The following IQGAP2 variants were observed in gnomAD, a reference collection of about 807,000 sequenced individuals.
IQGAP2 encodes the protein ras GTPase-activating-like protein IQGAP2.
In IQGAP2, 173 loss-of-function variants were observed where a neutral mutation model predicts 201.3. The ratio of observed to expected loss-of-function variants is 0.86; its 90% CI spans 0.76 to 0.98. IQGAP2 has a LOEUF of 0.98. Ranked by LOEUF, IQGAP2 falls within the 50% of genes least tolerant of loss-of-function variation. The pLI, the probability that IQGAP2 is intolerant of heterozygous loss-of-function variation, is 0.00. For synonymous variants in IQGAP2, 675 were observed against 673.9 expected, an observed-to-expected ratio of 1.00 and a Z score of -0.03; for missense variants, 1,687 against 1,864.8, an observed-to-expected ratio of 0.90 and a Z score of 1.76.
At chr5:76,698,513 A>G (rs955920708) in intron 33 of IQGAP2, among the ~76,000 whole-genome samples, 7 of 152,152 alleles carry the variant, frequency 4.6e-5, no homozygotes, top group African/African-American at 1.7e-4. Context: ...ATAATTGATA[A>G]TATTAGATAA....
rs368075547 is a variant in IQGAP2, at chr5:76,674,737, A to G, written c.3527+28A>G. 10 of 1,490,992 alleles carry G rather than the reference A, an allele frequency of 6.7e-6. No individual in the cohort carries two copies. In the African/African-American group the frequency reaches 9.7e-5, roughly 14 times the overall value. 92.4% of individuals were successfully genotyped at this position (1,490,992 alleles called of 1,614,324 possible). A position where few individuals can be genotyped will look rare whatever the true frequency, so the allele number is the denominator to read the frequency against. ...GAGAGGGGCCCTTAGTTTTGGAGAA[A>G]CGTGCAAGAATGGTAGGCAAGAATA... On this transcript the variant is annotated intron_variant, in intron 27 of 35. Transcript: ENST00000274364.
chr5:76,530,656 G>A (rs1352688002), intron 2 of IQGAP2, among the ~76,000 whole-genome samples: 2 of 150,530 alleles, frequency 1.3e-5, no homozygotes, highest in Non-Finnish European at 3.0e-5. Context: ...ACAATTTGAA[G>A]TTCTTCTAAT....
chr5:76,576,951 T>A (rs1482426022), intron 5 of IQGAP2, among the ~76,000 whole-genome samples: 2 of 152,222 alleles, frequency 1.3e-5, no homozygotes, highest in Non-Finnish European at 1.5e-5. Context: ...AAAGTGCTTA[T>A]GTTGAGGAAT....
In IQGAP2 at chr5:76,631,856, C is replaced by A; in HGVS notation, c.1613-3C>A. On this transcript the variant is annotated splice_polypyrimidine_tract_variant and splice_region_variant and intron_variant, in intron 14 of 35. Coordinates refer to ENST00000274364, the MANE Select transcript of IQGAP2 (RefSeq NM_006633.5). ...ACAAGAAACTTTTTTTTCAATTACC[C>A]AGGGGTTACTCTGGTGGTTGATGTT... The A allele has an allele frequency of 1.9e-6, 3 of 1,561,618 alleles. No individual in the cohort carries two copies. Among genetic ancestry groups the A allele is most frequent in the South Asian group, 2.4e-5 (2 of 82,612 alleles).
intron 13 of IQGAP2, among the ~76,000 whole-genome samples, chr5:76,619,202 T>G (rs1749341843): frequency 6.6e-6 from 1 of 152,188 alleles, no homozygotes; most frequent in South Asian, 2.1e-4. Context: ...TTTCTATCTG[T>G]AAGTAATGCT....
intron 13 of IQGAP2, chr5:76,616,661 G>C (rs1749003483): frequency 6.6e-6 from 1 of 152,606 alleles, no homozygotes; most frequent in Non-Finnish European, 1.5e-5. Context: ...AGACCAGCCT[G>C]GGCAACAGTG....
chr5:76,628,600 C>A, intron 14 of IQGAP2: 1 of 397,054 alleles, frequency 2.5e-6, no homozygotes, highest in Non-Finnish European at 5.0e-6. Context: ...ATTTCACTAA[C>A]CTGCCAACTG....
chr5:76,576,840 AAG>A (rs1490395492), intron 5 of IQGAP2, among the ~76,000 whole-genome samples: 3 of 152,230 alleles, frequency 2.0e-5, no homozygotes, highest in Admixed American at 6.5e-5. Flanking sequence ...TGGTTAAAAA[AAG>A]AAAAACAGCA....
chr5:76,606,344 A>G, intron 12 of IQGAP2, 41 bp downstream of exon 12: 1 of 1,521,730 alleles, frequency 6.6e-7, no homozygotes, highest in South Asian at 1.4e-5. Flanking sequence ...TAGTGGGAGA[A>G]GAAGGTATCT....
intron 1 of IQGAP2, among the ~76,000 whole-genome samples, chr5:76,418,292 G>A (rs1751529655): frequency 6.6e-6 from 1 of 151,326 alleles, no homozygotes; most frequent in African/African-American, 2.4e-5. Context: ...TCTTTGAGAC[G>A]TAACTTTTTT....
intron 15 of IQGAP2, among the ~76,000 whole-genome samples, chr5:76,634,705 T>C (rs981117182): frequency 6.6e-6 from 1 of 152,212 alleles, no homozygotes; most frequent in African/African-American, 2.4e-5. Context: ...TTCTTATCTC[T>C]TTCACCTCTG....
At chr5:76,590,306 G>T in intron 7 of IQGAP2, 102 bp from the exon 8 acceptor site, 2 of 909,858 alleles carry the variant, frequency 2.2e-6, no homozygotes, top group Non-Finnish European at 3.3e-6. Flanking sequence ...TGGAAGCCAA[G>T]AAAGAAAGTA....
chr5:76,561,474 TA>T (rs1288271373), intron 2 of IQGAP2, among the ~76,000 whole-genome samples: 1 of 152,196 alleles, frequency 6.6e-6, no homozygotes, highest in African/African-American at 2.4e-5. Flanking sequence ...GGAGACTGTC[TA>T]TATAGATATG....
chr5:76,707,600 G>T lies in IQGAP2; in HGVS notation c.*287G>T, dbSNP rs1437838350. ...CCTGTGATCTGTTTTAAAGTTGGGG[G>T]GTGGGAAATTTAGCTGACTAGGGAC... On this transcript the variant is annotated 3_prime_UTR_variant, in exon 36 of 36. Coordinates refer to ENST00000274364, the MANE Select transcript of IQGAP2 (RefSeq NM_006633.5). The T allele has an allele frequency of 8.1e-6, 2 of 245,722 alleles. No individual in the cohort carries two copies. Among genetic ancestry groups the T allele is most frequent in the Non-Finnish European group, 1.5e-5 (2 of 130,002 alleles). The allele number at this position is 245,722 out of a possible 1,614,324, so 15.2% of individuals were successfully genotyped here.
intron 1 of IQGAP2, among the ~76,000 whole-genome samples, chr5:76,449,372 G>C (rs914829982): frequency 6.6e-6 from 1 of 152,036 alleles, no homozygotes; most frequent in Non-Finnish European, 1.5e-5. Context: ...TTAATGAGTT[G>C]GTACTTTTTC....
At chr5:76,540,754 G>A (rs1742708862) in intron 2 of IQGAP2, among the ~76,000 whole-genome samples, 1 of 152,206 alleles carries the variant, frequency 6.6e-6, no homozygotes, top group Non-Finnish European at 1.5e-5. Context: ...CACACAGGCT[G>A]GTCTGGGCTA....
intron 3 of IQGAP2, among the ~76,000 whole-genome samples, chr5:76,568,273 C>T (rs1050732105): frequency 1.3e-5 from 2 of 152,148 alleles, no homozygotes; most frequent in Non-Finnish European, 2.9e-5. Flanking sequence ...TTCTTCAGTG[C>T]CTCTTAACAT....
intron 3 of IQGAP2, among the ~76,000 whole-genome samples, chr5:76,565,088 G>A (rs1364138135): frequency 6.6e-6 from 1 of 152,134 alleles, no homozygotes; most frequent in Non-Finnish European, 1.5e-5. Flanking sequence ...TCTCTCATAC[G>A]AAAATGAAAG....
chr5:76,453,003 C>T (rs71630923), intron 1 of IQGAP2, among the ~76,000 whole-genome samples: 1,538 of 151,106 alleles, frequency 0.01, 16 homozygotes, highest in South Asian at 0.019. Context: ...CTCCGCCTCC[C>T]AGGTCCCAGT....
Sources: gnomAD v4.1 joint callset for allele counts (sites outside exome capture counted in the v4.1 genomes callset) on GRCh38, gnomAD v4.1.1 for gene constraint, MANE v1.5 for transcripts, NCBI Gene and HGNC (gene_info 2026-07-23, HGNC 2026-07-21) for gene names.